Variants in CSMD1 observed in about 807,000 individuals in gnomAD.
CSMD1 encodes CUB and Sushi multiple domains 1.
CSMD1 carries 213 observed loss-of-function variants against 417.5 expected under a neutral mutation model. The observed-to-expected ratio is 0.51, with a 90% confidence interval of 0.46 to 0.57. The LOEUF is 0.57. CSMD1 is among the 20% of genes least tolerant of loss of function. The probability of loss-of-function intolerance (pLI) is 0.00; values close to 1 mark genes in which losing one functional copy is unlikely to be tolerated. For synonymous variants in CSMD1, 2,862 were observed against 1,736.8 expected, an observed-to-expected ratio of 1.65 and a Z score of -16.11; for missense variants, 6,923 against 4,529.7, an observed-to-expected ratio of 1.53 and a Z score of -15.17.
intron 3 of CSMD1, among the ~76,000 whole-genome samples, chr8:4,399,406 A>G (rs534099806): frequency 5.9e-5 from 9 of 152,242 alleles, no homozygotes; most frequent in Non-Finnish European, 1.2e-4. Flanking sequence ...CAAGGGCTAA[A>G]GAGGTTAACG....
intron 2 of CSMD1, among the ~76,000 whole-genome samples, chr8:4,426,569 A>G (rs1285514938): frequency 1.4e-5 from 2 of 147,312 alleles, no homozygotes; most frequent in Admixed American, 6.8e-5. Flanking sequence ...ATAGTATAGT[A>G]TATATACACA....
chr8:4,477,245 T>C (rs1800852879), intron 2 of CSMD1, among the ~76,000 whole-genome samples: 1 of 152,186 alleles, frequency 6.6e-6, no homozygotes, highest in Non-Finnish European at 1.5e-5. Context: ...TACCTAGGGC[T>C]AGAGCCACTG....
chr8:4,902,583 C>T (rs1186080773), intron 1 of CSMD1, among the ~76,000 whole-genome samples: 5 of 152,180 alleles, frequency 3.3e-5, no homozygotes, highest in Non-Finnish European at 4.4e-5. Flanking sequence ...AAATATTATG[C>T]TGTGGCTAAT....
chr8:4,535,727 T>A (rs887276994), intron 2 of CSMD1, among the ~76,000 whole-genome samples: 2 of 152,198 alleles, frequency 1.3e-5, no homozygotes, highest in Non-Finnish European at 2.9e-5. Context: ...GACAATAATC[T>A]AAATGATCGC....
chr8:2,998,205 G>C (rs532914642), intron 53 of CSMD1, 21 bp from the exon 54 acceptor site: 4 of 1,611,468 alleles, frequency 2.5e-6, no homozygotes, highest in Non-Finnish European at 3.4e-6. Flanking sequence ...ACAGGTCAAC[G>C]TCATTGTTAA....
At chr8:3,334,921 G>A (rs892677942) in intron 23 of CSMD1, among the ~76,000 whole-genome samples, 2 of 152,158 alleles carry the variant, frequency 1.3e-5, no homozygotes, top group East Asian at 1.9e-4. Context: ...TCTGTAGCAC[G>A]GCTAAGAGCG....
At position 3,226,454 on chromosome 8, in the gene CSMD1, G is replaced by A. The variant is rs548823233; in HGVS notation, c.4346-2587C>T. 1.2e-4 allele frequency among the ~76,000 whole-genome samples: 18 copies of A among 151,982 alleles called. 1 individual carries two copies. The South Asian group carries it at 2.7e-3, about 23-fold the overall frequency. ...AAAAAATAGCCGGGCGTGGTGGCACGCACCTATAATCCTAGCTACTCAGGA... is the reference window on the plus strand; with the variant it reads ...AAAAAATAGCCGGGCGTGGTGGCACACACCTATAATCCTAGCTACTCAGGA... On this transcript the variant is annotated intron_variant, in intron 27 of 69. Transcript: ENST00000635120.
At chr8:2,965,426 T>C (rs779230597) in intron 59 of CSMD1, among the ~76,000 whole-genome samples, 1 of 152,132 alleles carries the variant, frequency 6.6e-6, no homozygotes, top group African/African-American at 2.4e-5. Flanking sequence ...AGATTCACCA[T>C]GCCACGAACA....
chr8:4,867,031 T>C (rs1225012465), intron 1 of CSMD1, among the ~76,000 whole-genome samples: 1 of 152,032 alleles, frequency 6.6e-6, no homozygotes, highest in Admixed American at 6.5e-5. Flanking sequence ...TTTGATTGCG[T>C]TTTTGTTTTT....
chr8:3,917,815 G>C lies in CSMD1; in HGVS notation c.818+80088C>G, dbSNP rs73499878. On this transcript the variant is annotated intron_variant, in intron 5 of 69. Transcript: ENST00000635120. ...ATTAGTTTTGCCATTAGCAATATTA[G>C]TTGTGTGTATGCGGTAAAAGCACAT... 1.3e-3 allele frequency among the ~76,000 whole-genome samples: 199 copies of C among 152,186 alleles called. 1 individual carries two copies. Among genetic ancestry groups the C allele is most frequent in the African/African-American group, 4.6e-3 (189 of 41,520 alleles).
rs745471742 is a variant in CSMD1 at position 3,886,030 on chromosome 8, C to CAT, written c.818+111871_818+111872dup. On this transcript the variant is annotated intron_variant, in intron 5 of 69. Transcript: ENST00000635120. ...ATATATGTGTACATATATATACATACATATATATATATACAGACACATTTA... is the reference window on the plus strand; with the variant it reads ...ATATATGTGTACATATATATACATACATATATATATATATACAGACACATTTA... Among the ~76,000 whole-genome samples the CAT allele has an allele frequency of 4.9e-3, 740 of 150,634 alleles. 5 individuals are homozygous for CAT. Among genetic ancestry groups the CAT allele is most frequent in the South Asian group, 0.017 (81 of 4,768 alleles).
rs558577279 is a variant in CSMD1, at chr8:4,120,565, G to A, written c.416-88466C>T. Among the ~76,000 whole-genome samples the A allele has an allele frequency of 5.2e-4, 79 of 152,278 alleles. No individual in the cohort carries two copies. In the South Asian group the frequency reaches 5.6e-3, roughly 11 times the overall value. On this transcript the variant is annotated intron_variant, in intron 3 of 69. Transcript: ENST00000635120. ...ATAAGGGATACCAAAACTGGCGACC[G>A]GGAGGCTTTCAAATGGCCTGTGGCC...
intron 26 of CSMD1, among the ~76,000 whole-genome samples, chr8:3,266,497 T>G (rs1801441652): frequency 6.7e-6 from 1 of 149,426 alleles, no homozygotes; most frequent in African/African-American, 2.5e-5. Context: ...TCCCAGCTAC[T>G]TGGGAGGCTG....
chr8:3,878,894 A>G (rs545212607), intron 5 of CSMD1, among the ~76,000 whole-genome samples: 6 of 152,346 alleles, frequency 3.9e-5, no homozygotes, highest in African/African-American at 1.4e-4. Flanking sequence ...CACCAATATC[A>G]CAAGTTATAT....
intron 5 of CSMD1, among the ~76,000 whole-genome samples, chr8:3,765,922 G>C (rs1380482034): frequency 6.6e-6 from 1 of 152,220 alleles, no homozygotes; most frequent in Non-Finnish European, 1.5e-5. Context: ...ACAGACTTGA[G>C]AGAAGGCTGT....
intron 3 of CSMD1, among the ~76,000 whole-genome samples, chr8:4,108,567 A>C (rs536848170): frequency 4.5e-4 from 68 of 152,308 alleles, no homozygotes; most frequent in African/African-American, 1.6e-3. Context: ...CCATCCACTG[A>C]TATGCCATCC....
chr8:3,776,088 C>T (rs901310891), intron 5 of CSMD1, among the ~76,000 whole-genome samples: 1 of 152,218 alleles, frequency 6.6e-6, no homozygotes, highest in African/African-American at 2.4e-5. Flanking sequence ...CAAATCTACT[C>T]TTTCCCCATC....
intron 3 of CSMD1, among the ~76,000 whole-genome samples, chr8:4,273,590 G>A (rs11136715): frequency 0.2 from 30,515 of 151,982 alleles, 3,257 homozygotes; most frequent in East Asian, 0.39. Context: ...ATCATTTGTC[G>A]TTCATTTGAA....
At chr8:4,924,789 T>G (rs1312390671) in intron 1 of CSMD1, among the ~76,000 whole-genome samples, 1 of 151,890 alleles carries the variant, frequency 6.6e-6, no homozygotes, top group Admixed American at 6.6e-5. Flanking sequence ...ACTCAAACTT[T>G]TTGACATATG....
Sources: allele counts gnomAD v4.1 joint callset (sites outside exome capture counted in the v4.1 genomes callset), GRCh38; gene constraint gnomAD v4.1.1; transcripts MANE v1.5; gene names NCBI Gene and HGNC (gene_info 2026-07-23, HGNC 2026-07-21).